Variants in AHRR observed in about 807,000 individuals in gnomAD.
AHRR encodes aryl hydrocarbon receptor repressor.
AHRR carries 28 observed loss-of-function variants against 44.0 expected under a neutral mutation model. The observed-to-expected ratio is 0.64, with a 90% CI of 0.47 to 0.87. The LOEUF (loss-of-function observed/expected upper bound fraction) is 0.87, where lower values mean the gene tolerates loss of function less well. Among genes scored for constraint, AHRR ranks in the 40% least tolerant of loss-of-function variants. The pLI, the probability that AHRR is intolerant of heterozygous loss-of-function variation, is 0.00. For missense variants in AHRR, 990 were observed against 953.9 expected, an observed-to-expected ratio of 1.04 and a Z score of -0.50; for synonymous variants, 434 against 407.0, an observed-to-expected ratio of 1.07 and a Z score of -0.80.
chr5:322,544 T>G (rs969259824), intron 1 of AHRR: 2 of 151,874 alleles, frequency 1.3e-5, no homozygotes, highest in African/African-American at 2.4e-5. Context: ...GGCTCTCGTC[T>G]GCGGGGTTCT....
intron 2 of AHRR, among the ~76,000 whole-genome samples, chr5:348,830 T>C (rs1213910488): frequency 1.3e-5 from 2 of 152,274 alleles, no homozygotes; most frequent in Non-Finnish European, 2.9e-5. Flanking sequence ...CTGTAGGTTT[T>C]TATTTCTGTT....
chr5:434,936 A>C lies in AHRR; in HGVS notation c.*102A>C. The stretch of plus-strand genomic sequence containing the variant: ...GTCAGGCCGGAGCCCGTCCTAAGAC[A>C]CACGCTTTGCAGAGCTGTGCATGCG... On this transcript the variant is annotated 3_prime_UTR_variant, in exon 11 of 11. Coordinates refer to ENST00000684583, the MANE Select transcript of AHRR (RefSeq NM_001377236.1). The C allele has an allele frequency of 7.0e-7, 1 of 1,436,882 alleles. No individual in the cohort carries two copies. The highest frequency in any genetic ancestry group is 2.3e-5 in the Admixed American group (1 of 42,952). The allele number at this position is 1,436,882 out of a possible 1,614,324, so 89.0% of individuals were successfully genotyped here. A position where few individuals can be genotyped will look rare whatever the true frequency, so the allele number is the denominator to read the frequency against.
At position 426,028 on chromosome 5, in the gene AHRR, G is replaced by T. The variant is rs551496057; in HGVS notation, c.709-1779G>T. Among the ~76,000 whole-genome samples, 110 of 152,336 alleles carry T rather than the reference G, an allele frequency of 7.2e-4. 3 individuals carry two copies. In the South Asian group the frequency reaches 0.022, roughly 31 times the overall value. ...TTAACTTGGGAGCTTGAAATCAGCT[G>T]TGTTGGGAATATTTATACTAAAAAA... On this transcript the variant is annotated intron_variant, in intron 7 of 10. Transcript: ENST00000684583.
At chr5:432,698 C>A in intron 9 of AHRR, 108 bp from the exon 10 acceptor site, 2 of 1,573,510 alleles carry the variant, frequency 1.3e-6, no homozygotes, top group Admixed American at 3.4e-5. Context: ...CTGGTCTGTG[C>A]ATTTCTGAGG....
intron 5 of AHRR, among the ~76,000 whole-genome samples, chr5:416,607 C>G (rs1339070806): frequency 1.3e-5 from 2 of 152,232 alleles, no homozygotes; most frequent in Admixed American, 6.5e-5. Context: ...TGGGTGGCCA[C>G]CCGGCATCCT....
intron 3 of AHRR, among the ~76,000 whole-genome samples, chr5:354,550 A>G (rs1742976404): frequency 6.6e-6 from 1 of 152,082 alleles, no homozygotes; most frequent in Non-Finnish European, 1.5e-5. Context: ...CTTAGATTTC[A>G]GGTTATTGCT....
intron 3 of AHRR, among the ~76,000 whole-genome samples, chr5:356,020 T>C (rs1271391260): frequency 6.6e-6 from 1 of 152,194 alleles, no homozygotes; most frequent in Non-Finnish European, 1.5e-5. Context: ...GACTTAGAGA[T>C]GGGTAAGCTA....
At chr5:328,482 C>A (rs1306266971) in intron 1 of AHRR, among the ~76,000 whole-genome samples, 3 of 151,958 alleles carry the variant, frequency 2.0e-5, no homozygotes, top group Admixed American at 6.6e-5. Flanking sequence ...AACCCCTGAC[C>A]TCAAGTGATC....
chr5:409,736 T>C (rs1297926648), intron 4 of AHRR, among the ~76,000 whole-genome samples: 1 of 152,236 alleles, frequency 6.6e-6, no homozygotes, highest in Non-Finnish European at 1.5e-5. Context: ...GTGCATATTT[T>C]TTCTCTGTGG....
chr5:395,325 T>C lies in AHRR; in HGVS notation c.352-18019T>C, dbSNP rs376196715. 1.1e-3 allele frequency among the ~76,000 whole-genome samples: 161 copies of C among 152,268 alleles called. 7 individuals are homozygous for C. The East Asian group carries it at 0.012, about 11-fold the overall frequency. Reference sequence around the variant, plus strand: ...GCCCCGGTGGTGGGATGCAGTTAGCTGAACGCCAGGCTGAGCAGGGTCCGA... The same window carrying C: ...GCCCCGGTGGTGGGATGCAGTTAGCCGAACGCCAGGCTGAGCAGGGTCCGA... On this transcript the variant is annotated intron_variant, in intron 4 of 10. Transcript: ENST00000684583. This position sits in a 1 kb window ranked among gnomAD's most constrained non-coding sequence, Gnocchi z 5.3.
At position 434,016 on chromosome 5, in the gene AHRR, C is replaced by T. The variant is rs2126552718; in HGVS notation, c.1276C>T (p.Leu426=). The T allele has an allele frequency of 6.3e-7, 1 of 1,589,256 alleles. No individual in the cohort carries two copies. The highest frequency in any genetic ancestry group is 8.6e-7 in the Non-Finnish European group (1 of 1,169,234). Residue 426 remains leucine, a synonymous_variant, in exon 11 of 11, where the codon CTG becomes TTG. Coordinates refer to ENST00000684583, the MANE Select transcript of AHRR (RefSeq NM_001377236.1). ...LQPSKNDPPS[L]RPMPRGSCLP... The stretch of plus-strand genomic sequence containing the variant: ...GCCCAGCAAGAATGACCCGCCCTCC[C>T]TGCGCCCCATGCCCCGCGGCTCCTG...
At chr5:429,009 C>G (rs72717411) in intron 8 of AHRR, among the ~76,000 whole-genome samples, 40,257 of 152,240 alleles carry the variant, frequency 0.26, 6,951 homozygotes, top group Non-Finnish European at 0.39. Flanking sequence ...TGCCATGCAG[C>G]TTGGCTCCTA....
At position 436,196 on chromosome 5, in the gene AHRR, C is replaced by T. The variant is rs1737040532; in HGVS notation, c.*1362C>T. 1 of 152,636 alleles carries T rather than the reference C, an allele frequency of 6.6e-6. No homozygotes were observed. The highest frequency in any genetic ancestry group is 1.5e-5 in the Non-Finnish European group (1 of 68,630). 9.5% of individuals were successfully genotyped at this position (152,636 alleles called of 1,614,324 possible). A position where few individuals can be genotyped will look rare whatever the true frequency, so the allele number is the denominator to read the frequency against. On this transcript the variant is annotated 3_prime_UTR_variant, in exon 11 of 11. Transcript: ENST00000684583. The stretch of plus-strand genomic sequence containing the variant: ...GCCCATGGGTGAGGGACCCACCACC[C>T]CGCTGCACTGTGCATTGTGCCTCCC...
chr5:398,235 GT>G lies in AHRR; in HGVS notation c.352-15107del, dbSNP rs1350786289. Among the ~76,000 whole-genome samples, 2 of 115,668 alleles carry G rather than the reference GT, an allele frequency of 1.7e-5. 1 individual carries two copies. The highest frequency in any genetic ancestry group is 7.4e-5 in the African/African-American group (2 of 27,040). 75.9% of individuals were successfully genotyped at this position (115,668 alleles called of 152,430 possible). On this transcript the variant is annotated intron_variant, in intron 4 of 10. Transcript: ENST00000684583. The stretch of plus-strand genomic sequence containing the variant: ...ATCCACGTAGCTCCTGACCATCCAT[GT>G]TAGCCCCTGACCATCCACGTAGCTC...
At chr5:343,780 G>C in intron 1 of AHRR, 113 bp from the exon 2 acceptor site, 1 of 1,067,370 alleles carries the variant, frequency 9.4e-7, no homozygotes, top group Non-Finnish European at 1.3e-6. Context: ...TGGGGGCCTC[G>C]CGGGGTCGCG....
rs546344989 is a variant in AHRR at position 404,026 on chromosome 5, G to A, written c.352-9318G>A. 3.4e-5 allele frequency: 27 copies of A among 794,966 alleles called. No individual in the cohort carries two copies. Among genetic ancestry groups the A allele is most frequent in the African/African-American group, 8.6e-5 (5 of 58,336 alleles). 49.2% of individuals were successfully genotyped at this position (794,966 alleles called of 1,614,324 possible). A position where few individuals can be genotyped will look rare whatever the true frequency, so the allele number is the denominator to read the frequency against. On this transcript the variant is annotated intron_variant, in intron 4 of 10. Coordinates refer to ENST00000684583, the MANE Select transcript of AHRR (RefSeq NM_001377236.1). This position sits in a 1 kb window ranked among gnomAD's most constrained non-coding sequence, Gnocchi z 4.1. ...AACTTGGTGTTTTTTCTTAATCCAC[G>A]GCTGAATCTGTTTAGTCTTTGCATC...
chr5:346,790 G>A (rs1479172473), intron 2 of AHRR, among the ~76,000 whole-genome samples: 1 of 152,196 alleles, frequency 6.6e-6, no homozygotes, highest in African/African-American at 2.4e-5. Flanking sequence ...ATCCCCCCGC[G>A]GGACCTGGGG....
At chr5:414,629 A>C (rs1735636881) in intron 5 of AHRR, among the ~76,000 whole-genome samples, 2 of 152,372 alleles carry the variant, frequency 1.3e-5, no homozygotes, top group Non-Finnish European at 1.5e-5. Context: ...TTCCTGGAAG[A>C]ACTTAAGGAG....
intron 4 of AHRR, among the ~76,000 whole-genome samples, chr5:394,668 C>T (rs949412091): frequency 2.6e-5 from 4 of 152,174 alleles, no homozygotes; most frequent in African/African-American, 7.2e-5. Flanking sequence ...TGCTTGTCTT[C>T]GCCCGTTGCT....
Sources: gnomAD v4.1 joint callset for allele counts (sites outside exome capture counted in the v4.1 genomes callset) on GRCh38, gnomAD v4.1.1 for gene constraint, Gnocchi (gnomAD v3.1) non-coding constraint, MANE v1.5 for transcripts, NCBI Gene and HGNC (gene_info 2026-07-23, HGNC 2026-07-21) for gene names.